ARSG: variants seen among roughly 807,000 people sequenced by gnomAD.
The protein encoded by ARSG is arylsulfatase G.
ARSG carries 37 observed loss-of-function variants against 50.5 expected under a neutral mutation model. The observed-to-expected ratio is 0.73, with a 90% confidence interval of 0.56 to 0.96. ARSG has a LOEUF of 0.96. Among genes scored for constraint, ARSG ranks in the 50% least tolerant of loss-of-function variants. The pLI is 0.00. For missense variants in ARSG, 629 were observed against 675.3 expected (o/e 0.93, Z 0.76); for synonymous variants, 225 against 254.6 (o/e 0.88, Z 1.11).
intron 1 of ARSG, chr17:68,272,705 T>G: frequency 6.2e-7 from 1 of 1,614,192 alleles, no homozygotes; most frequent in Non-Finnish European, 8.5e-7. Flanking sequence ...ATGGAACGTC[T>G]TTTGCCAAAA....
chr17:68,344,093 G>GTTGGTGT (rs1421992481), intron 3 of ARSG, among the ~76,000 whole-genome samples: 1 of 152,206 alleles, frequency 6.6e-6, no homozygotes, highest in Non-Finnish European at 1.5e-5. Flanking sequence ...TCCTTAGCAT[G>GTTGGTGT]TTGGTGTTTG....
At chr17:68,314,676 C>T (rs1212745868) in intron 2 of ARSG, among the ~76,000 whole-genome samples, 1 of 152,006 alleles carries the variant, frequency 6.6e-6, no homozygotes, top group Non-Finnish European at 1.5e-5. Flanking sequence ...CATTGTACTC[C>T]AGCCTGGACA....
intron 7 of ARSG, among the ~76,000 whole-genome samples, chr17:68,369,902 T>C (rs2079739905): frequency 6.6e-6 from 1 of 152,142 alleles, no homozygotes; most frequent in African/African-American, 2.4e-5. Flanking sequence ...AGGCTCACGA[T>C]GGGACTGGGT....
chr17:68,378,044 C>T lies in ARSG; in HGVS notation c.983-7020C>T, dbSNP rs773916493. Among the ~76,000 whole-genome samples, 25 of 152,232 alleles carry T rather than the reference C, an allele frequency of 1.6e-4. No homozygotes were observed. Among genetic ancestry groups the T allele is most frequent in the Non-Finnish European group, 3.2e-4 (22 of 68,044 alleles). ...TGTCAACTAACTATTCCACAGCCTC[C>T]TTCTTCCTCTCTGCCTGGAATGCTG... is the stretch of plus-strand genomic sequence containing the variant. On this transcript the variant is annotated intron_variant, in intron 8 of 11. Transcript: ENST00000621439. The surrounding 1 kb of genome is among the most constrained non-coding windows in gnomAD (Gnocchi z 4.4).
At chr17:68,309,136 C>T (rs1599657955) in intron 2 of ARSG, among the ~76,000 whole-genome samples, 1 of 152,222 alleles carries the variant, frequency 6.6e-6, no homozygotes, top group South Asian at 2.1e-4. Flanking sequence ...GTACACCCTC[C>T]GCAGCTGCTG....
At chr17:68,326,501 C>G (rs1034869786) in intron 2 of ARSG, among the ~76,000 whole-genome samples, 5 of 152,254 alleles carry the variant, frequency 3.3e-5, no homozygotes, top group Admixed American at 2.6e-4. Flanking sequence ...TCCGTCTCTA[C>G]TCTAAATACA....
the ARSG span, chr17:68,433,690 C>A: frequency 1.5e-6 from 1 of 681,992 alleles, no homozygotes; most frequent in East Asian, 3.2e-5. Flanking sequence ...CCTAGGTAGA[C>A]CCAGATCCCT....
chr17:68,372,189 C>T (rs1317493772), intron 8 of ARSG, among the ~76,000 whole-genome samples: 1 of 152,170 alleles, frequency 6.6e-6, no homozygotes, highest in East Asian at 1.9e-4. Flanking sequence ...CAGACTAATA[C>T]ACACAATCGC....
At chr17:68,293,348 A>T (rs1238061056) in intron 1 of ARSG, among the ~76,000 whole-genome samples, 1 of 152,228 alleles carries the variant, frequency 6.6e-6, no homozygotes, top group African/African-American at 2.4e-5. Flanking sequence ...ACTCGAAGCA[A>T]GTCACATAAA....
downstream of ARSG, chr17:68,426,238 C>CGGGGGG (rs1555798429): frequency 1.5e-5 from 9 of 615,156 alleles, no homozygotes; most frequent in South Asian, 3.8e-5. Context: ...CATGACCTGG[C>CGGGGGG]GGGTGGGGAG....
At chr17:68,296,221 G>A (rs1008969764) in intron 1 of ARSG, among the ~76,000 whole-genome samples, 1 of 152,196 alleles carries the variant, frequency 6.6e-6, no homozygotes, top group African/African-American at 2.4e-5. Context: ...TGTGGGACCA[G>A]TGGATTTTGC....
intron 1 of ARSG, among the ~76,000 whole-genome samples, chr17:68,285,256 A>C (rs945382914): frequency 6.6e-6 from 1 of 152,218 alleles, no homozygotes; most frequent in African/African-American, 2.4e-5. Context: ...GAAGGTCTTA[A>C]GAGTTTTAAT....
rs200751795 is a variant in ARSG, at chr17:68,268,909, A to G, written c.-552+9483A>G. 1.5e-4 allele frequency: 205 copies of G among 1,385,226 alleles called. 1 individual carries two copies. The highest frequency in any genetic ancestry group is 7.6e-4 in the Middle Eastern group (4 of 5,268). The allele number at this position is 1,385,226 out of a possible 1,614,324, so 85.8% of individuals were successfully genotyped here. On this transcript the variant is annotated intron_variant, in intron 1 of 11. Transcript: ENST00000448504. ...TTGGCTTTAAAAACAAGCAAAAAAAAAAAGCTTAAAACAAAACAAAACAAA... is the reference window on the plus strand; with the variant it reads ...TTGGCTTTAAAAACAAGCAAAAAAAGAAAGCTTAAAACAAAACAAAACAAA...
Position 68,307,249 on chromosome 17 carries a change from A to G in ARSG, c.-245A>G, listed in dbSNP as rs1186785022. On this transcript the variant is annotated 5_prime_UTR_variant, in exon 2 of 12. Transcript: ENST00000621439. ...TGACCATAGAAGATCAAGCCAAATG[A>G]GGGATTGCAAATTTCCTGATTCTTT... 12 of 519,438 alleles carry G rather than the reference A, an allele frequency of 2.3e-5. No homozygotes were observed. The East Asian group carries it at 3.8e-4, about 16-fold the overall frequency. The allele number at this position is 519,438 out of a possible 1,614,324, so 32.2% of individuals were successfully genotyped here. A position where few individuals can be genotyped will look rare whatever the true frequency, so the allele number is the denominator to read the frequency against.
intron 1 of ARSG, among the ~76,000 whole-genome samples, chr17:68,283,646 C>T (rs145756130): frequency 0.014 from 2,128 of 151,606 alleles, 21 homozygotes; most frequent in Non-Finnish European, 0.02. Context: ...CATGGAGAAA[C>T]GCTGTCTCTA....
the ARSG span, among the ~76,000 whole-genome samples, chr17:68,431,736 C>T: frequency 4.6e-5 from 7 of 152,300 alleles, no homozygotes; most frequent in South Asian, 2.1e-4. Flanking sequence ...ACGTGTGAGC[C>T]GTAACCGCCG....
chr17:68,323,538 C>T (rs916685926), intron 2 of ARSG, among the ~76,000 whole-genome samples: 1 of 152,128 alleles, frequency 6.6e-6, no homozygotes. Flanking sequence ...GTATGAGGCA[C>T]CACTCCCAGC....
chr17:68,293,714 G>C (rs1465470683), intron 1 of ARSG, among the ~76,000 whole-genome samples: 2 of 152,102 alleles, frequency 1.3e-5, no homozygotes, highest in Non-Finnish European at 2.9e-5. Context: ...GCACTGGAGG[G>C]ATTGACCTAA....
downstream of ARSG, chr17:68,427,362 T>C (rs2083266728): frequency 1.2e-6 from 1 of 822,704 alleles, no homozygotes; most frequent in Non-Finnish European, 1.9e-6. Flanking sequence ...CTGTGGGTTA[T>C]TTATTTATTT....
Sources: allele counts gnomAD v4.1 joint callset (sites outside exome capture counted in the v4.1 genomes callset), GRCh38; gene constraint gnomAD v4.1.1; non-coding constraint Gnocchi (gnomAD v3.1); transcripts MANE v1.5; gene names NCBI Gene and HGNC (gene_info 2026-07-23, HGNC 2026-07-21).